Variants in ZC3HAV1 observed in about 807,000 individuals in gnomAD.
ZC3HAV1 encodes zinc finger CCCH-type containing, antiviral 1, also known as zinc finger CCCH-type antiviral protein 1.
Under a neutral mutation model 86.6 loss-of-function variants are expected in ZC3HAV1, and 41 were observed. That is an observed-to-expected ratio of 0.47 (90% confidence interval 0.37 to 0.61). The LOEUF (loss-of-function observed/expected upper bound fraction) is 0.61, where lower values mean the gene tolerates loss of function less well. Ranked by LOEUF, ZC3HAV1 falls within the 20% of genes least tolerant of loss-of-function variation. The pLI, the probability that ZC3HAV1 is intolerant of heterozygous loss-of-function variation, is 0.00. For missense variants in ZC3HAV1, 964 were observed against 1,141.1 expected, an observed-to-expected ratio of 0.84 and a Z score of 2.24; for synonymous variants, 421 against 432.1, an observed-to-expected ratio of 0.97 and a Z score of 0.32.
In ZC3HAV1 at chr7:139,046,311, G is replaced by GC. The variant is rs1005802569; in HGVS notation, c.*1282dup. The GC allele has an allele frequency of 1.3e-5, 2 of 152,112 alleles. No homozygotes were observed. The highest frequency in any genetic ancestry group is 2.4e-5 in the African/African-American group (1 of 41,418). 9.4% of individuals were successfully genotyped at this position (152,112 alleles called of 1,614,324 possible). A position where few individuals can be genotyped will look rare whatever the true frequency, so the allele number is the denominator to read the frequency against. On this transcript the variant is annotated 3_prime_UTR_variant, in exon 13 of 13. Transcript: ENST00000242351. ...GAAACAAATTTCATCTCCGTAGGGG[G>GC]CCCGTCCTTCAGTAGGAATGGCCCT...
At chr7:139,078,454 A>T (rs1252255631) in intron 5 of ZC3HAV1, 98 bp downstream of exon 5, 3 of 838,838 alleles carry the variant, frequency 3.6e-6, no homozygotes, top group Non-Finnish European at 5.7e-6. Context: ...AATTGAAAGC[A>T]GGGTTTTCAG....
chr7:139,097,417 TATATA>T (rs1817626702), intron 1 of ZC3HAV1, among the ~76,000 whole-genome samples: 2 of 81,340 alleles, frequency 2.5e-5, no homozygotes, highest in Non-Finnish European at 4.6e-5. Flanking sequence ...TATATATATA[TATATA>T]TATATATTTT....
intron 3 of ZC3HAV1, among the ~76,000 whole-genome samples, chr7:139,081,882 A>G (rs964390790): frequency 1.3e-5 from 2 of 152,270 alleles, no homozygotes; most frequent in Non-Finnish European, 2.9e-5. Flanking sequence ...CATGTATTCT[A>G]TCTGCTTCAT....
rs992275753 is a variant in ZC3HAV1 at position 139,083,970 on chromosome 7, T to C, written c.507A>G (p.Ser169=). The C allele has an allele frequency of 2.0e-5, 32 of 1,614,016 alleles. No individual in the cohort carries two copies. The highest frequency in any genetic ancestry group is 2.7e-5 in the African/African-American group (2 of 74,912). The part of the protein sequence containing the change: ...QQICNQQPPC[S]RLHICDHFTR... ...TGAAGTGGTCACAGATGTGGAGTCT[T>C]GAACACGGTGGCTGCTGGTTACAAA... Residue 169 remains serine (S), a synonymous_variant, in exon 3 of 13, where the codon TCA becomes TCG. Transcript: ENST00000242351.
chr7:139,077,760 A>G (rs1304007647), intron 5 of ZC3HAV1, among the ~76,000 whole-genome samples: 1 of 152,238 alleles, frequency 6.6e-6, no homozygotes, highest in Non-Finnish European at 1.5e-5. Flanking sequence ...GCCTTATATT[A>G]TGTTTAAATT....
At chr7:139,095,557 A>G (rs927391383) in intron 1 of ZC3HAV1, among the ~76,000 whole-genome samples, 3 of 152,254 alleles carry the variant, frequency 2.0e-5, no homozygotes, top group African/African-American at 7.2e-5. Flanking sequence ...GCCTGCACCG[A>G]GGAGGAAGAG....
At chr7:139,051,015 G>A (rs1170692465) in intron 12 of ZC3HAV1, among the ~76,000 whole-genome samples, 6 of 151,946 alleles carry the variant, frequency 3.9e-5, no homozygotes, top group African/African-American at 1.2e-4. Flanking sequence ...CTCTATCCTT[G>A]GGAACACCTC....
chr7:139,047,584 T>C lies in ZC3HAV1; in HGVS notation c.*10A>G. 1 of 1,613,968 alleles carries C rather than the reference T, an allele frequency of 6.2e-7. No individual in the cohort carries two copies. The highest frequency in any genetic ancestry group is 8.5e-7 in the Non-Finnish European group (1 of 1,179,982). ...GTTATGGCATCCTTCTGACGCTGTA[T>C]TCATCGGTTCTAACTAATCACGCAG... On this transcript the variant is annotated 3_prime_UTR_variant, in exon 13 of 13. Coordinates refer to ENST00000242351, the MANE Select transcript of ZC3HAV1 (RefSeq NM_020119.4).
chr7:139,105,204 A>T (rs894201013), intron 1 of ZC3HAV1, among the ~76,000 whole-genome samples: 2 of 151,928 alleles, frequency 1.3e-5, no homozygotes, highest in African/African-American at 2.4e-5. Context: ...ACAAAGCAAG[A>T]TCTCATTTCT....
At chr7:139,060,090 G>C (rs1426332536) in intron 9 of ZC3HAV1, among the ~76,000 whole-genome samples, 3 of 152,158 alleles carry the variant, frequency 2.0e-5, no homozygotes, top group Non-Finnish European at 4.4e-5. Flanking sequence ...CAGTTCTAAA[G>C]CAGAATAGGA....
intron 1 of ZC3HAV1, among the ~76,000 whole-genome samples, chr7:139,093,584 G>T (rs990742259): frequency 1.3e-5 from 2 of 152,100 alleles, no homozygotes; most frequent in African/African-American, 4.8e-5. Context: ...GGCTCATCCT[G>T]GCTCAAAAGC....
intron 8 of ZC3HAV1, among the ~76,000 whole-genome samples, chr7:139,063,014 C>T (rs1215648751): frequency 9.2e-6 from 1 of 108,722 alleles, no homozygotes; most frequent in Non-Finnish European, 1.7e-5. Context: ...GGTGACAAAG[C>T]GAGACTCTGT....
chr7:139,081,912 T>C (rs923183996), intron 3 of ZC3HAV1, among the ~76,000 whole-genome samples: 3 of 152,210 alleles, frequency 2.0e-5, no homozygotes, highest in African/African-American at 7.2e-5. Flanking sequence ...CTTTCCTACA[T>C]CCACTTCATA....
chr7:139,097,420 A>ATTTTTTTTTTTTTTT (rs1563140627), intron 1 of ZC3HAV1, among the ~76,000 whole-genome samples: 1 of 79,170 alleles, frequency 1.3e-5, no homozygotes, highest in Non-Finnish European at 2.2e-5. Flanking sequence ...ATATATATAT[A>ATTTTTTTTTTTTTTT]TATATATATT....
At position 139,078,672 on chromosome 7, in the gene ZC3HAV1, T is replaced by G; in HGVS notation, c.1472-19A>C. 3.9e-6 allele frequency: 6 copies of G among 1,526,016 alleles called. No individual in the cohort carries two copies. Among genetic ancestry groups the G allele is most frequent in the Non-Finnish European group, 5.3e-6 (6 of 1,133,278 alleles). The allele number at this position is 1,526,016 out of a possible 1,614,324, so 94.5% of individuals were successfully genotyped here. On this transcript the variant is annotated intron_variant, in intron 4 of 12. Coordinates refer to ENST00000242351, the MANE Select transcript of ZC3HAV1 (RefSeq NM_020119.4). ...AAAGAATCTATGAAACAAAAAAGGATGCATGTATGCTGATCTTAATGTTTA... is the reference window on the plus strand; with the variant it reads ...AAAGAATCTATGAAACAAAAAAGGAGGCATGTATGCTGATCTTAATGTTTA...
intron 12 of ZC3HAV1, 71 bp downstream of exon 12, chr7:139,053,380 C>T: frequency 1.1e-5 from 16 of 1,467,526 alleles, no homozygotes; most frequent in Non-Finnish European, 1.4e-5. Flanking sequence ...TTACATATAC[C>T]TCCTAATAGA....
At position 139,091,190 on chromosome 7, in the gene ZC3HAV1, G is replaced by C. The variant is rs139185502; in HGVS notation, c.309-1431C>G. ...GAGGAAAGACTCCTACAGCAAGAAGGGCCTTTGAAAAGTAATCCCCTCCAG... is the reference window on the plus strand; with the variant it reads ...GAGGAAAGACTCCTACAGCAAGAAGCGCCTTTGAAAAGTAATCCCCTCCAG... On this transcript the variant is annotated intron_variant, in intron 1 of 12. Transcript: ENST00000242351. 8.2e-3 allele frequency among the ~76,000 whole-genome samples: 1,249 copies of C among 152,222 alleles called. 8 individuals are homozygous for C. The highest frequency in any genetic ancestry group is 0.015 in the Non-Finnish European group (998 of 68,022).
chr7:139,109,470 T>A lies in ZC3HAV1; in HGVS notation c.-139A>T. 1 of 1,087,146 alleles carries A rather than the reference T, an allele frequency of 9.2e-7. No homozygotes were observed. The highest frequency in any genetic ancestry group is 1.3e-6 in the Non-Finnish European group (1 of 787,054). 67.3% of individuals were successfully genotyped at this position (1,087,146 alleles called of 1,614,324 possible). A position where few individuals can be genotyped will look rare whatever the true frequency, so the allele number is the denominator to read the frequency against. On this transcript the variant is annotated 5_prime_UTR_variant, in exon 1 of 13. Coordinates refer to ENST00000242351, the MANE Select transcript of ZC3HAV1 (RefSeq NM_020119.4). ...GCCCGGAGTCAGCGAGGGCGCGCTC[T>A]CCGTCGCCGTTAGCCCAGCCCAGCG...
rs1421687791 is a variant in ZC3HAV1, at chr7:139,109,592, AAG to A, written c.-263_-262del. 7.2e-6 allele frequency: 3 copies of A among 414,372 alleles called. No homozygotes were observed. The highest frequency in any genetic ancestry group is 1.3e-5 in the Non-Finnish European group (3 of 234,438). The allele number at this position is 414,372 out of a possible 1,614,324, so 25.7% of individuals were successfully genotyped here. On this transcript the variant is annotated 5_prime_UTR_variant, in exon 1 of 13. Transcript: ENST00000242351. ...CCGCAAGGGCAACTGGGTGGAAAGA[AAG>A]AGAACGCGCGGGCAAATCTGCTGGT...
Sources: allele counts gnomAD v4.1 joint callset (sites outside exome capture counted in the v4.1 genomes callset), GRCh38; gene constraint gnomAD v4.1.1; transcripts MANE v1.5; gene names NCBI Gene and HGNC (gene_info 2026-07-23, HGNC 2026-07-21).